Variants in STARD9 observed in about 807,000 individuals in gnomAD.
The protein encoded by STARD9 is stAR-related lipid transfer protein 9.
A neutral mutation model predicts 399.8 loss-of-function variants in STARD9; 346 were observed. The ratio of observed to expected loss-of-function variants is 0.87; its 90% CI spans 0.79 to 0.95. The LOEUF (loss-of-function observed/expected upper bound fraction) is 0.95, where lower values mean the gene tolerates loss of function less well. Among genes scored for constraint, STARD9 ranks in the 40% least tolerant of loss-of-function variants. The pLI, the probability that STARD9 is intolerant of heterozygous loss-of-function variation, is 0.00. For missense variants in STARD9, 5,832 were observed against 5,667.5 expected (o/e 1.03, Z -0.93); for synonymous variants, 2,203 against 2,143.5 (o/e 1.03, Z -0.77).
At chr15:42,648,497 G>A (rs2059690163) in intron 7 of STARD9, among the ~76,000 whole-genome samples, 1 of 152,132 alleles carries the variant, frequency 6.6e-6, no homozygotes, top group African/African-American at 2.4e-5. Context: ...AGTTCACTGA[G>A]TACAGAATTT....
At chr15:42,708,877 G>A (rs148872709) in intron 26 of STARD9, among the ~76,000 whole-genome samples, 2 of 152,002 alleles carry the variant, frequency 1.3e-5, no homozygotes, top group African/African-American at 4.8e-5. Context: ...CCCTTCTGAA[G>A]GTTGACAGAT....
rs1005254637 is a variant in STARD9 at position 42,581,524 on chromosome 15, G to C, written c.48-1822G>C. 2.2e-6 allele frequency: 3 copies of C among 1,387,226 alleles called. No individual in the cohort carries two copies. The African/African-American group carries it at 4.4e-5, about 20-fold the overall frequency. The allele number at this position is 1,387,226 out of a possible 1,614,324, so 85.9% of individuals were successfully genotyped here. ...GCGGGCTCTGGGCTTTGTGTGGCGG[G>C]TAGGCGGCGGCGCCGGGCCGGTCTG... On this transcript the variant is annotated intron_variant, in intron 1 of 32. Coordinates refer to ENST00000290607, the MANE Select transcript of STARD9 (RefSeq NM_020759.3).
chr15:42,627,729 G>T (rs892323536), intron 3 of STARD9, among the ~76,000 whole-genome samples: 4 of 152,128 alleles, frequency 2.6e-5, no homozygotes, highest in African/African-American at 7.2e-5. Context: ...ATGTGTTCCA[G>T]TTCTATCCAT....
chr15:42,665,145 A>C, intron 13 of STARD9, 108 bp from the exon 14 acceptor site: 1 of 806,190 alleles, frequency 1.2e-6, no homozygotes. Context: ...TGCTGTAGAG[A>C]CTACTCCAAA....
chr15:42,679,009 T>C (rs1159092676), intron 20 of STARD9, among the ~76,000 whole-genome samples: 3 of 152,170 alleles, frequency 2.0e-5, no homozygotes, highest in African/African-American at 7.2e-5. Flanking sequence ...AGCTGTCACT[T>C]TCTTAGGTGA....
At position 42,607,685 on chromosome 15, in the gene STARD9, C is replaced by CACAA. The variant is rs1337784119; in HGVS notation, c.234+22049_234+22050insCAAA. On this transcript the variant is annotated intron_variant, in intron 3 of 32. Transcript: ENST00000290607. ...ACACACACACACACACACACACACA[C>CACAA]AAATATATATTTGAATATAATTAAA... is the stretch of plus-strand genomic sequence containing the variant. Among the ~76,000 whole-genome samples, 179 of 149,716 alleles carry CACAA rather than the reference C, an allele frequency of 1.2e-3. 1 individual carries two copies. Among genetic ancestry groups the CACAA allele is most frequent in the African/African-American group, 4.3e-3 (171 of 40,114 alleles).
chr15:42,596,872 G>A (rs1381597489), intron 3 of STARD9, among the ~76,000 whole-genome samples: 1 of 152,112 alleles, frequency 6.6e-6, no homozygotes, highest in African/African-American at 2.4e-5. Flanking sequence ...GACTATAATG[G>A]TAAAACTAGA....
Position 42,684,451 on chromosome 15 carries a change from A to G in STARD9, c.2873A>G (p.Lys958Arg). 2.0e-6 allele frequency: 3 copies of G among 1,537,220 alleles called. No homozygotes were observed. The highest frequency in any genetic ancestry group is 2.6e-6 in the Non-Finnish European group (3 of 1,146,918). The change falls in exon 23 of 33, where the codon AAA becomes AGA. Residue 958 changes from lysine to arginine, a missense_variant. Physicochemically the swap from Lys to Arg is conservative, Grantham distance 26. This residue lies in a region of STARD9 where 5,828 missense variants were observed against 5,651.1 expected (regional missense o/e 1.03). Coordinates refer to ENST00000290607, the MANE Select transcript of STARD9 (RefSeq NM_020759.3). ...GCATCTCTGAGGAAATCAGCTAACA[A>G]ACTAAAGCCAAGGCATGAGCCAAAG... ...GLASLRKSAN[K>R]LKPRHEPKIF...
At chr15:42,713,951 GTAT>G (rs2140405303) in intron 26 of STARD9, among the ~76,000 whole-genome samples, 1 of 151,806 alleles carries the variant, frequency 6.6e-6, no homozygotes, top group African/African-American at 2.4e-5. Context: ...GGAAGGATTG[GTAT>G]TAATTCCTTA....
At chr15:42,601,238 C>A (rs2058617777) in intron 3 of STARD9, among the ~76,000 whole-genome samples, 1 of 152,184 alleles carries the variant, frequency 6.6e-6, no homozygotes, top group Non-Finnish European at 1.5e-5. Context: ...TAGTACAGAA[C>A]AAAATGGAGT....
intron 3 of STARD9, among the ~76,000 whole-genome samples, chr15:42,617,711 T>C (rs2058998574): frequency 6.6e-6 from 1 of 152,214 alleles, no homozygotes; most frequent in Non-Finnish European, 1.5e-5. Context: ...AAATTCTCTT[T>C]CACTGTTGTT....
chr15:42,670,140 T>G (rs1283009757), intron 16 of STARD9: 2 of 152,204 alleles, frequency 1.3e-5, no homozygotes, highest in Non-Finnish European at 2.9e-5. Context: ...TTTGAAAGTT[T>G]TCTTCTGACA....
At chr15:42,583,730 A>C (rs1316029391) in intron 2 of STARD9, among the ~76,000 whole-genome samples, 2 of 152,170 alleles carry the variant, frequency 1.3e-5, no homozygotes, top group African/African-American at 4.8e-5. Context: ...TGCTGCAGGC[A>C]ATCCATATTC....
intron 26 of STARD9, among the ~76,000 whole-genome samples, chr15:42,699,114 A>G (rs1415864952): frequency 6.6e-6 from 1 of 152,208 alleles, no homozygotes; most frequent in East Asian, 1.9e-4. Context: ...TGCATTGCAT[A>G]ATGATCAAAT....
chr15:42,635,146 C>G (rs933512198), intron 4 of STARD9, among the ~76,000 whole-genome samples, 174 bp downstream of exon 4: 2 of 151,628 alleles, frequency 1.3e-5, no homozygotes, highest in African/African-American at 2.4e-5. Flanking sequence ...TGGCTCACGC[C>G]TGTAATCCCA....
rs952830312 is a variant in STARD9, at chr15:42,696,636, C to A, written c.13284+756C>A. Among the ~76,000 whole-genome samples the A allele has an allele frequency of 2.6e-5, 4 of 152,094 alleles. 1 individual carries two copies. Among genetic ancestry groups the A allele is most frequent in the African/African-American group, 9.7e-5 (4 of 41,414 alleles). ...AGGAGGCAGGAGCAGCTGTGGGAGACCTCCTAGATGACCACGGCAGAGCTG... is the reference window on the plus strand; with the variant it reads ...AGGAGGCAGGAGCAGCTGTGGGAGAACTCCTAGATGACCACGGCAGAGCTG... On this transcript the variant is annotated intron_variant, in intron 26 of 32. Transcript: ENST00000290607.
chr15:42,605,721 G>C (rs1392156811), intron 3 of STARD9, among the ~76,000 whole-genome samples: 1 of 152,200 alleles, frequency 6.6e-6, no homozygotes, highest in Admixed American at 6.5e-5. Context: ...ATTGGTGTCC[G>C]AGGAAGATTA....
intron 3 of STARD9, among the ~76,000 whole-genome samples, chr15:42,593,262 C>T (rs1284709734): frequency 6.6e-6 from 1 of 152,164 alleles, no homozygotes; most frequent in East Asian, 1.9e-4. Flanking sequence ...AACTTCCCTC[C>T]CTTCCTCCTG....
chr15:42,667,735 TC>T (rs2060130461), intron 15 of STARD9, among the ~76,000 whole-genome samples: 3 of 152,108 alleles, frequency 2.0e-5, no homozygotes, highest in Admixed American at 2.0e-4. Context: ...TACCTCAGCC[TC>T]CCAAAGTGCT....
Sources: gnomAD v4.1 joint callset for allele counts (sites outside exome capture counted in the v4.1 genomes callset) on GRCh38, gnomAD v4.1.1 for gene constraint, gnomAD v4.1.1 regional missense constraint, MANE v1.5 for transcripts, NCBI Gene and HGNC (gene_info 2026-07-23, HGNC 2026-07-21) for gene names.